The following MGAT1 variants were observed in gnomAD, a reference collection of about 807,000 sequenced individuals.
The protein encoded by MGAT1 is alpha-1,3-mannosyl-glycoprotein 2-beta-N-acetylglucosaminyltransferase.
In MGAT1, 14 loss-of-function variants were observed where a neutral mutation model predicts 31.7. The observed-to-expected ratio is 0.44, with a 90% confidence interval of 0.29 to 0.69. The LOEUF (loss-of-function observed/expected upper bound fraction) is 0.69. Among genes scored for constraint, MGAT1 ranks in the 30% least tolerant of loss-of-function variants. The probability of loss-of-function intolerance (pLI) is 0.12; values close to 1 mark genes in which losing one functional copy is unlikely to be tolerated. For synonymous variants in MGAT1, 338 were observed against 276.0 expected, an observed-to-expected ratio of 1.22 and a Z score of -2.23; for missense variants, 557 against 626.0, an observed-to-expected ratio of 0.89 and a Z score of 1.18.
chr5:180,803,134 G>A (rs1355715424), upstream of MGAT1, among the ~76,000 whole-genome samples: 1 of 152,136 alleles, frequency 6.6e-6, no homozygotes, highest in Non-Finnish European at 1.5e-5. Flanking sequence ...TGGGCCCGCA[G>A]TCCAGGAAAG....
At chr5:180,808,913 C>T (rs1298412650) in exon 2 of MGAT1, 2 of 152,228 alleles carry the variant, frequency 1.3e-5, no homozygotes, top group Non-Finnish European at 2.9e-5. Context: ...CCTTATTAAG[C>T]TCAGAGTCTG....
At chr5:180,808,252 G>C (rs757554317) in intron 2 of MGAT1, among the ~76,000 whole-genome samples, 15 of 152,144 alleles carry the variant, frequency 9.9e-5, no homozygotes, top group Non-Finnish European at 1.3e-4. Context: ...GTCCTTTTCA[G>C]TTAGCTCCCC....
Position 180,793,010 on chromosome 5 carries a change from C to G in MGAT1, c.-39G>C, listed in dbSNP as rs761663462. Reference sequence around the variant, plus strand: ...GGGGAGGGCAGGCCAGGGGACGGTTCAAGGCTGCCCTGGGCTTGCCCGGCT... The same window carrying G: ...GGGGAGGGCAGGCCAGGGGACGGTTGAAGGCTGCCCTGGGCTTGCCCGGCT... On this transcript the variant is annotated 5_prime_UTR_variant, in exon 2 of 2. Transcript: ENST00000307826. The G allele has an allele frequency of 6.2e-7, 1 of 1,608,332 alleles. No individual in the cohort carries two copies. The highest frequency in any genetic ancestry group is 2.2e-5 in the East Asian group (1 of 44,762).
chr5:180,794,981 A>G (rs1769026822), intron 1 of MGAT1, among the ~76,000 whole-genome samples: 1 of 152,234 alleles, frequency 6.6e-6, no homozygotes, highest in Non-Finnish European at 1.5e-5. Context: ...TACTCATAGA[A>G]TGGAATAATA....
Position 180,792,314 on chromosome 5 carries a change from CGAA to C in MGAT1, c.655_657del (p.Phe219del). ...AGCGGATAGGTGGCCCGAAAGTACT[CGAA>C]GAAGTCCGGGGCCACCTCCAGGTCA... On this transcript the variant is annotated inframe_deletion, in exon 2 of 2. Coordinates refer to ENST00000307826, the MANE Select transcript of MGAT1 (RefSeq NM_002406.4). The C allele has an allele frequency of 6.2e-7, 1 of 1,610,390 alleles. No individual in the cohort carries two copies. Among genetic ancestry groups the C allele is most frequent in the Non-Finnish European group, 8.5e-7 (1 of 1,177,802 alleles).
intron 1 of MGAT1, among the ~76,000 whole-genome samples, chr5:180,797,429 A>AACCCCCCG (rs1491382896): frequency 1.1e-5 from 1 of 90,402 alleles, no homozygotes; most frequent in Non-Finnish European, 2.2e-5. Context: ...AAAAAAAAAA[A>AACCCCCCG]GGGGGGGGGG....
chr5:180,797,844 T>TCTTC (rs1554130666), intron 1 of MGAT1, among the ~76,000 whole-genome samples: 1 of 117,702 alleles, frequency 8.5e-6, no homozygotes, highest in African/African-American at 3.2e-5. Context: ...CCCACCTCCT[T>TCTTC]AGGCTCAGCC....
chr5:180,809,832 ACTCT>A (rs201333289), intron 1 of MGAT1: 8,258 of 143,652 alleles, frequency 0.057, 395 homozygotes, highest in African/African-American at 0.13. Flanking sequence ...ATCCACACAC[ACTCT>A]CTCTCTCCTT....
rs1767465504 is a variant in MGAT1 at position 180,784,796 on chromosome 5, T to C, written c.*6838A>G. 6.6e-6 allele frequency: 1 copy of C among 152,248 alleles called. No homozygotes were observed. The allele number at this position is 152,248 out of a possible 1,614,324, so 9.4% of individuals were successfully genotyped here. On this transcript the variant is annotated 3_prime_UTR_variant, in exon 2 of 2. Transcript: ENST00000307826. The stretch of plus-strand genomic sequence containing the variant: ...GGGCAGGGCGGTTATGTATGAATTT[T>C]ATTTTCCTTTTATTTTTCAATGTTT...
chr5:180,810,123 T>C (rs2626813), intron 1 of MGAT1: 25,031 of 141,444 alleles, frequency 0.18, 2,682 homozygotes, highest in African/African-American at 0.32. Context: ...TCCCCAGCGC[T>C]GGCCCAGGCC....
At chr5:180,805,339 A>C (rs1009485166), upstream of MGAT1, among the ~76,000 whole-genome samples, 5 of 152,240 alleles carry the variant, frequency 3.3e-5, no homozygotes, top group Admixed American at 2.6e-4. Context: ...AAGGAAGTGA[A>C]AACTGTTCCA....
intron 1 of MGAT1, among the ~76,000 whole-genome samples, chr5:180,811,965 G>A (rs1437004496): frequency 6.6e-6 from 1 of 152,152 alleles, no homozygotes; most frequent in Non-Finnish European, 1.5e-5. Flanking sequence ...CCTCAGTGAG[G>A]CCTTTCCTGA....
chr5:180,791,572 G>A lies in MGAT1; in HGVS notation c.*62C>T, dbSNP rs1768091256. 2 of 1,566,976 alleles carry A rather than the reference G, an allele frequency of 1.3e-6. No homozygotes were observed. Among genetic ancestry groups the A allele is most frequent in the Non-Finnish European group, 8.7e-7 (1 of 1,154,722 alleles). ...CACAGGCAGGCCGATGCAGCCTGGG[G>A]ACTGTGGTCCCACCTCAGCTCATGA... On this transcript the variant is annotated 3_prime_UTR_variant, in exon 2 of 2. Coordinates refer to ENST00000307826, the MANE Select transcript of MGAT1 (RefSeq NM_002406.4).
intron 1 of MGAT1, among the ~76,000 whole-genome samples, chr5:180,801,546 A>G (rs1349584279): frequency 6.6e-6 from 1 of 152,204 alleles, no homozygotes; most frequent in Non-Finnish European, 1.5e-5. Context: ...GAGTTGAGAG[A>G]ATAAGACCTA....
chr5:180,804,462 G>T (rs1321994886), upstream of MGAT1, among the ~76,000 whole-genome samples: 1 of 152,240 alleles, frequency 6.6e-6, no homozygotes, highest in Non-Finnish European at 1.5e-5. Flanking sequence ...CGAGGCCGCC[G>T]TGTGCAGTGT....
rs201632096 is a variant in MGAT1 at position 180,792,386 on chromosome 5, C to T, written c.586G>A (p.Val196Ile). ...GCGGGGAAGCGAAACTGCCGGAAGACCTGGCCCAGCGCCCAGCGGTAGTGG... is the reference window on the plus strand; with the variant it reads ...GCGGGGAAGCGAAACTGCCGGAAGATCTGGCCCAGCGCCCAGCGGTAGTGG... The part of the protein sequence containing the change: ...ARHYRWALGQ[V>I]FRQFRFPAAV... The change falls in exon 2 of 2, where the codon GTC becomes ATC. Residue 196 changes from valine (V) to isoleucine (I), a missense_variant. Coordinates refer to ENST00000307826, the MANE Select transcript of MGAT1 (RefSeq NM_002406.4). The T allele has an allele frequency of 1.2e-5, 20 of 1,610,694 alleles. No individual in the cohort carries two copies. The highest frequency in any genetic ancestry group is 1.6e-5 in the Non-Finnish European group (19 of 1,178,066).
At position 180,793,090 on chromosome 5, in the gene MGAT1, C is replaced by T; in HGVS notation, c.-119G>A. 1.6e-6 allele frequency: 2 copies of T among 1,215,026 alleles called. No homozygotes were observed. The highest frequency in any genetic ancestry group is 2.3e-6 in the Non-Finnish European group (2 of 879,150). The allele number at this position is 1,215,026 out of a possible 1,614,324, so 75.3% of individuals were successfully genotyped here. On this transcript the variant is annotated 5_prime_UTR_variant, in exon 2 of 2. Coordinates refer to ENST00000307826, the MANE Select transcript of MGAT1 (RefSeq NM_002406.4). Reference sequence around the variant, plus strand: ...TCTGGACTATGGGATTAGGAGGCAGCCATGCACCTAAAGACAGGAGAGAGA... The same window carrying T: ...TCTGGACTATGGGATTAGGAGGCAGTCATGCACCTAAAGACAGGAGAGAGA...
intron 1 of MGAT1, chr5:180,811,040 C>G (rs932011150): frequency 3.9e-5 from 6 of 152,264 alleles, no homozygotes; most frequent in African/African-American, 1.4e-4. Context: ...TCCTGAGTTT[C>G]GAACCTGCCC....
chr5:180,794,046 T>C (rs1768799541), intron 1 of MGAT1, among the ~76,000 whole-genome samples: 1 of 151,688 alleles, frequency 6.6e-6, no homozygotes, highest in South Asian at 2.1e-4. Context: ...ACAATAAAAA[T>C]AAGCTGTGAG....
Sources: gnomAD v4.1 joint callset for allele counts (sites outside exome capture counted in the v4.1 genomes callset) on GRCh38, gnomAD v4.1.1 for gene constraint, MANE v1.5 for transcripts, NCBI Gene and HGNC (gene_info 2026-07-23, HGNC 2026-07-21) for gene names.